The following LUZP2 variants were observed in gnomAD, a reference collection of about 807,000 sequenced individuals.
LUZP2 encodes the protein leucine zipper protein 2.
LUZP2 carries 52 observed loss-of-function variants against 51.6 expected under a neutral mutation model. The observed-to-expected ratio is 1.01, with a 90% CI of 0.81 to 1.27. LUZP2 has a LOEUF of 1.27. Among genes scored for constraint, LUZP2 ranks in the 50% most tolerant of loss-of-function variants. The probability of loss-of-function intolerance (pLI) is 0.00; values close to 1 mark genes in which losing one functional copy is unlikely to be tolerated. For missense variants in LUZP2, 436 were observed against 395.4 expected, an observed-to-expected ratio of 1.10 and a Z score of -0.87; for synonymous variants, 154 against 137.3, an observed-to-expected ratio of 1.12 and a Z score of -0.85.
intron 7 of LUZP2, among the ~76,000 whole-genome samples, chr11:24,918,560 C>A (rs1039571411): frequency 1.3e-5 from 2 of 151,522 alleles, no homozygotes; most frequent in African/African-American, 2.4e-5. Context: ...TGGGACGTAT[C>A]TCAAAATAAT....
At chr11:24,566,965 ATAAATATG>A in intron 1 of LUZP2, among the ~76,000 whole-genome samples, 2 of 13,504 alleles carry the variant, frequency 1.5e-4, no homozygotes, top group Non-Finnish European at 2.9e-4. Context: ...ATATTTATAT[ATAAATATG>A]TATATATATA....
At chr11:24,779,055 T>C (rs956671214) in intron 5 of LUZP2, among the ~76,000 whole-genome samples, 3 of 152,210 alleles carry the variant, frequency 2.0e-5, no homozygotes, top group African/African-American at 4.8e-5. Flanking sequence ...AATGTCAAAG[T>C]ATGGTATTCT....
chr11:24,550,216 T>C (rs1851685593), intron 1 of LUZP2, among the ~76,000 whole-genome samples: 1 of 152,186 alleles, frequency 6.6e-6, no homozygotes, highest in South Asian at 2.1e-4. Flanking sequence ...GTGTTAGAAA[T>C]ATTTTAAAAT....
intron 5 of LUZP2, among the ~76,000 whole-genome samples, chr11:24,869,964 A>T (rs1852009957): frequency 6.6e-6 from 1 of 152,166 alleles, no homozygotes; most frequent in African/African-American, 2.4e-5. Context: ...TTGTGAATGT[A>T]AAGGCAAAGC....
chr11:24,623,830 G>C (rs1343262408), intron 1 of LUZP2, among the ~76,000 whole-genome samples: 2 of 152,150 alleles, frequency 1.3e-5, no homozygotes, highest in Admixed American at 1.3e-4. Flanking sequence ...CTGGGCGACA[G>C]AGTGAGACCC....
At chr11:24,718,028 A>T (rs1484359487) in intron 1 of LUZP2, among the ~76,000 whole-genome samples, 1 of 152,160 alleles carries the variant, frequency 6.6e-6, no homozygotes, top group Non-Finnish European at 1.5e-5. Flanking sequence ...AATTTATTCA[A>T]AAGCTATTGC....
At chr11:24,774,109 G>T (rs908956099) in intron 5 of LUZP2, among the ~76,000 whole-genome samples, 6 of 151,838 alleles carry the variant, frequency 4.0e-5, no homozygotes, top group Admixed American at 1.3e-4. Flanking sequence ...CTAATCAGCT[G>T]CCAGTACAGC....
At chr11:24,907,049 T>G (rs1853476754) in intron 6 of LUZP2, among the ~76,000 whole-genome samples, 1 of 152,146 alleles carries the variant, frequency 6.6e-6, no homozygotes, top group African/African-American at 2.4e-5. Flanking sequence ...CACTATCCTC[T>G]TCCAGCAGGA....
chr11:24,847,962 T>C (rs1851254820), intron 5 of LUZP2, among the ~76,000 whole-genome samples: 1 of 152,156 alleles, frequency 6.6e-6, no homozygotes, highest in African/African-American at 2.4e-5. Flanking sequence ...TGCTATTGTA[T>C]TTAGAATACT....
intron 1 of LUZP2, among the ~76,000 whole-genome samples, chr11:24,616,804 T>G (rs998516931): frequency 1.3e-5 from 2 of 152,198 alleles, no homozygotes; most frequent in African/African-American, 4.8e-5. Context: ...CCTTTCCATA[T>G]GCAGGTCTAC....
intron 5 of LUZP2, among the ~76,000 whole-genome samples, chr11:24,853,815 A>C (rs1264195568): frequency 6.6e-6 from 1 of 152,050 alleles, no homozygotes; most frequent in African/African-American, 2.4e-5. Context: ...TGGTGTGGAC[A>C]TCCTTTTTGT....
At position 24,732,190 on chromosome 11, in the gene LUZP2, T is replaced by A; in HGVS notation, c.251+2T>A. The A allele has an allele frequency of 6.3e-7, 1 of 1,598,758 alleles. No homozygotes were observed. The highest frequency in any genetic ancestry group is 8.5e-7 in the Non-Finnish European group (1 of 1,171,976). The stretch of plus-strand genomic sequence containing the variant: ...TCTGGAATTAGGACAGAAACAAAGG[T>A]AAGACTTTTCTTTTTTTCTTAGTTA... On this transcript the variant is annotated splice_donor_variant, in intron 3 of 11. Transcript: ENST00000336930. LOFTEE classifies it high-confidence loss of function.
At chr11:24,791,381 A>G (rs1219310939) in intron 5 of LUZP2, among the ~76,000 whole-genome samples, 1 of 152,126 alleles carries the variant, frequency 6.6e-6, no homozygotes, top group Non-Finnish European at 1.5e-5. Context: ...TTAAAGGTAT[A>G]CCTTTTATGG....
chr11:24,940,295 C>G (rs1413880473), intron 7 of LUZP2, among the ~76,000 whole-genome samples: 2 of 152,012 alleles, frequency 1.3e-5, no homozygotes, highest in Non-Finnish European at 2.9e-5. Flanking sequence ...GAAAAGTAGA[C>G]TCACATATTC....
At chr11:24,730,401 CG>C (rs1180879641) in intron 2 of LUZP2, among the ~76,000 whole-genome samples, 1 of 83,948 alleles carries the variant, frequency 1.2e-5, no homozygotes, top group East Asian at 2.6e-4. Context: ...AAGATGGAAA[CG>C]AGAGCAAAAA....
chr11:24,601,896 G>GTA (rs1247111161), intron 1 of LUZP2, among the ~76,000 whole-genome samples: 2 of 40,230 alleles, frequency 5.0e-5, no homozygotes, highest in East Asian at 5.2e-4. Flanking sequence ...ATGTATATAT[G>GTA]TATATATGTA....
chr11:24,756,535 C>T (rs1859781426), intron 4 of LUZP2, among the ~76,000 whole-genome samples: 2 of 152,120 alleles, frequency 1.3e-5, no homozygotes, highest in South Asian at 4.1e-4. Context: ...GGTTCTTCAC[C>T]CCCTGCTCTT....
intron 5 of LUZP2, among the ~76,000 whole-genome samples, chr11:24,810,615 G>A (rs963350822): frequency 6.6e-6 from 1 of 152,160 alleles, no homozygotes; most frequent in African/African-American, 2.4e-5. Context: ...TGAGATAGAA[G>A]TTAAGATACA....
intron 1 of LUZP2, among the ~76,000 whole-genome samples, chr11:24,543,763 A>C (rs1851452201): frequency 7.9e-6 from 1 of 127,304 alleles, no homozygotes; most frequent in Admixed American, 1.0e-4. Context: ...GGAAGTTTGC[A>C]GTGAGCTGAG....
Sources: gnomAD v4.1 joint callset for allele counts (sites outside exome capture counted in the v4.1 genomes callset) on GRCh38, gnomAD v4.1.1 for gene constraint, MANE v1.5 for transcripts, NCBI Gene and HGNC (gene_info 2026-07-23, HGNC 2026-07-21) for gene names.